Variants in EIF2AK3 observed in about 807,000 individuals in gnomAD.
EIF2AK3 encodes eukaryotic translation initiation factor 2 alpha kinase 3, also known as eukaryotic translation initiation factor 2-alpha kinase 3.
In EIF2AK3, 50 loss-of-function variants were observed where a neutral mutation model predicts 113.5. The ratio of observed to expected loss-of-function variants is 0.44; its 90% CI spans 0.35 to 0.56. The LOEUF (loss-of-function observed/expected upper bound fraction) is 0.56. Among genes scored for constraint, EIF2AK3 ranks in the 20% least tolerant of loss-of-function variants. The probability of loss-of-function intolerance (pLI) is 0.00; values close to 1 mark genes in which losing one functional copy is unlikely to be tolerated. For missense variants in EIF2AK3, 1,185 were observed against 1,378.0 expected, an observed-to-expected ratio of 0.86 and a Z score of 2.22; for synonymous variants, 448 against 495.4, an observed-to-expected ratio of 0.90 and a Z score of 1.27.
At chr2:88,594,287 G>C (rs756128459) in intron 3 of EIF2AK3, among the ~76,000 whole-genome samples, 22 of 152,346 alleles carry the variant, frequency 1.4e-4, no homozygotes, top group Admixed American at 2.6e-4. Context: ...CCACCTCCCA[G>C]GTTCAAGTGA....
At chr2:88,567,476 T>A (rs1443478913) in intron 14 of EIF2AK3, among the ~76,000 whole-genome samples, 1 of 152,232 alleles carries the variant, frequency 6.6e-6, no homozygotes, top group Non-Finnish European at 1.5e-5. Context: ...CTTACCATCG[T>A]CCATTTCCTA....
Position 88,575,379 on chromosome 2 carries a change from G to C in EIF2AK3, c.2104C>G (p.Pro702Ala), listed in dbSNP as rs781754103. 26 of 1,613,668 alleles carry C rather than the reference G, an allele frequency of 1.6e-5. No individual in the cohort carries two copies. The Admixed American group carries it at 4.3e-4, about 27-fold the overall frequency. Residue 702 changes from proline (P) to alanine (A), a missense_variant, in exon 13 of 17, where the codon CCT becomes GCT. This residue lies in a region of EIF2AK3 where 877 missense variants were observed against 1,024.2 expected (regional missense o/e 0.86). Coordinates refer to ENST00000303236, the MANE Select transcript of EIF2AK3 (RefSeq NM_004836.7). ...APSVKIRRMD[P>A]FATKEHIEII... is the part of the protein sequence containing the mutation. ...TCAATATGTTCTTTTGTAGCGAAAG[G>C]ATCCATTCTGCGTATTTTAACTGAT...
intron 6 of EIF2AK3, among the ~76,000 whole-genome samples, chr2:88,589,609 A>G (rs2104436171): frequency 6.6e-6 from 1 of 150,632 alleles, no homozygotes; most frequent in African/African-American, 2.4e-5. Flanking sequence ...GAGGATATAT[A>G]CCTAACTATA....
chr2:88,625,258 A>G (rs559867203), intron 1 of EIF2AK3, among the ~76,000 whole-genome samples: 1 of 150,890 alleles, frequency 6.6e-6, no homozygotes, highest in Non-Finnish European at 1.5e-5. Flanking sequence ...CCTAGCATAC[A>G]TATGTGCATG....
At chr2:88,589,997 G>GGAGGCC in intron 6 of EIF2AK3, among the ~76,000 whole-genome samples, 2 of 152,288 alleles carry the variant, frequency 1.3e-5, no homozygotes, top group South Asian at 2.1e-4. Flanking sequence ...CAGCACTTTG[G>GGAGGCC]GAGGCCGAGG....
rs1476909624 is a variant in EIF2AK3, at chr2:88,626,949, G to A, written c.308+18C>T. 1.2e-6 allele frequency: 2 copies of A among 1,605,996 alleles called. No homozygotes were observed. The highest frequency in any genetic ancestry group is 1.1e-5 in the South Asian group (1 of 90,544). ...CGCGCGTAAACAAGTTGCCTCCCCCGGGTCGGCAGCCCCTCACCTGCCGCG... is the reference window on the plus strand; with the variant it reads ...CGCGCGTAAACAAGTTGCCTCCCCCAGGTCGGCAGCCCCTCACCTGCCGCG... On this transcript the variant is annotated intron_variant, in intron 1 of 16. Coordinates refer to ENST00000303236, the MANE Select transcript of EIF2AK3 (RefSeq NM_004836.7).
rs758246673 is a variant in EIF2AK3, at chr2:88,574,794, T to C, written c.2689A>G (p.Lys897Glu). Residue 897 changes from lysine to glutamate, a missense_variant, in exon 13 of 17, where the codon AAA becomes GAA. By Grantham distance (56) the Lys-to-Glu change is moderately conservative. Transcript: ENST00000303236. Reference sequence around the variant, plus strand: ...GTACATCGTCCATTCATCCAGTCTTTGAGGTTTTCTTTTCTGCACAGCTGC... The same window carrying C: ...GTACATCGTCCATTCATCCAGTCTTCGAGGTTTTCTTTTCTGCACAGCTGC... ...QMQLCRKENL[K>E]DWMNGRCTIE... 6.2e-7 allele frequency: 1 copy of C among 1,614,208 alleles called. No homozygotes were observed. The highest frequency in any genetic ancestry group is 1.1e-5 in the South Asian group (1 of 91,090).
chr2:88,627,285 C>T lies in EIF2AK3; in HGVS notation c.-11G>A. The T allele has an allele frequency of 6.7e-6, 10 of 1,484,632 alleles. No homozygotes were observed. Among genetic ancestry groups the T allele is most frequent in the Non-Finnish European group, 8.0e-6 (9 of 1,122,894 alleles). 92.0% of individuals were successfully genotyped at this position (1,484,632 alleles called of 1,614,324 possible). On this transcript the variant is annotated 5_prime_UTR_variant, in exon 1 of 17. Coordinates refer to ENST00000303236, the MANE Select transcript of EIF2AK3 (RefSeq NM_004836.7). ...GATGGCGCGCTCCATCAGCGTCCCGCCCCGCGCGCAGGCATGGAGGCGCAG... is the reference window on the plus strand; with the variant it reads ...GATGGCGCGCTCCATCAGCGTCCCGTCCCGCGCGCAGGCATGGAGGCGCAG...
chr2:88,557,975 G>T, intron 16 of EIF2AK3, 39 bp from the exon 17 acceptor site: 2 of 1,588,992 alleles, frequency 1.3e-6, no homozygotes, highest in Non-Finnish European at 1.7e-6. Flanking sequence ...AAACGGCCAG[G>T]TTTGATCACT....
At chr2:88,560,991 A>G (rs1036682340) in intron 15 of EIF2AK3, among the ~76,000 whole-genome samples, 10 of 152,148 alleles carry the variant, frequency 6.6e-5, no homozygotes, top group Non-Finnish European at 1.3e-4. Flanking sequence ...GATAGGGAAG[A>G]ATGTGACAGA....
In EIF2AK3 at chr2:88,558,983, A is replaced by G. The variant is rs747716914; in HGVS notation, c.3088-4T>C. 1 of 1,555,260 alleles carries G rather than the reference A, an allele frequency of 6.4e-7. No homozygotes were observed. The highest frequency in any genetic ancestry group is 1.4e-5 in the African/African-American group (1 of 73,676). ...GATTTCTTACATCAGTTAAGGTCTA[A>G]AAAGAAAAAAAGTATCACTTATTAA... On this transcript the variant is annotated splice_region_variant and splice_polypyrimidine_tract_variant and intron_variant, in intron 15 of 16. Coordinates refer to ENST00000303236, the MANE Select transcript of EIF2AK3 (RefSeq NM_004836.7).
chr2:88,613,073 C>T (rs1675492867), intron 2 of EIF2AK3, among the ~76,000 whole-genome samples: 1 of 152,134 alleles, frequency 6.6e-6, no homozygotes, highest in African/African-American at 2.4e-5. Flanking sequence ...TTAATCTCCC[C>T]CATCTGTACC....
rs75168609 is a variant in EIF2AK3 at position 88,615,857 on chromosome 2, C to T, written c.309-2004G>A. The stretch of plus-strand genomic sequence containing the variant: ...GTTGAACTATTTCTAATCAAGTTCT[C>T]GCCCCTACCACCTCACTAAAATGGT... On this transcript the variant is annotated intron_variant, in intron 1 of 16. Coordinates refer to ENST00000303236, the MANE Select transcript of EIF2AK3 (RefSeq NM_004836.7). 3.3e-5 allele frequency among the ~76,000 whole-genome samples: 5 copies of T among 152,164 alleles called. No homozygotes were observed. In the East Asian group the frequency reaches 5.8e-4, roughly 18 times the overall value.
At chr2:88,607,748 C>T (rs1675326972) in intron 2 of EIF2AK3, among the ~76,000 whole-genome samples, 1 of 152,106 alleles carries the variant, frequency 6.6e-6, no homozygotes, top group Admixed American at 6.5e-5. Flanking sequence ...CAAGTATGTA[C>T]CTAATGGTAA....
chr2:88,582,979 G>T (rs117578594), intron 10 of EIF2AK3, among the ~76,000 whole-genome samples: 1 of 152,146 alleles, frequency 6.6e-6, no homozygotes, highest in East Asian at 1.9e-4. Flanking sequence ...CCTACTTTTA[G>T]CTAATCCATC....
At chr2:88,595,141 ATGGGGTGGGGGT>A (rs1327328826) in intron 3 of EIF2AK3, among the ~76,000 whole-genome samples, 1 of 72,302 alleles carries the variant, frequency 1.4e-5, no homozygotes, top group Non-Finnish European at 2.6e-5. Flanking sequence ...GGGGTGTGGA[ATGGGGTGGGGGT>A]GGGGATTGCC....
At position 88,623,497 on chromosome 2, in the gene EIF2AK3, TGAG is replaced by T. The variant is rs530888631; in HGVS notation, c.308+3467_308+3469del. ...AACTGGTGAATCTCGGATTGCTTCTTGAGTATCAAAAGACAACATGCAAAAATA... is the reference window on the plus strand; with the variant it reads ...AACTGGTGAATCTCGGATTGCTTCTTTATCAAAAGACAACATGCAAAAATA... On this transcript the variant is annotated intron_variant, in intron 1 of 16. Transcript: ENST00000303236. 8.3e-4 allele frequency among the ~76,000 whole-genome samples: 127 copies of T among 152,316 alleles called. 3 individuals carry two copies. In the Middle Eastern group the frequency reaches 0.014, roughly 16 times the overall value.
chr2:88,576,780 ACC>A, intron 11 of EIF2AK3, 77 bp from the exon 12 acceptor site: 1 of 1,499,028 alleles, frequency 6.7e-7, no homozygotes, highest in Non-Finnish European at 9.2e-7. Flanking sequence ...TATGACTTAT[ACC>A]CCTAAAATAT....
In EIF2AK3 at chr2:88,627,172, C is replaced by T. The variant is rs776456569; in HGVS notation, c.103G>A (p.Gly35Ser). The change falls in exon 1 of 17, where the codon GGC becomes AGC. Residue 35 changes from glycine (G) to serine (S), a missense_variant. Gly to Ser is a moderately conservative substitution (Grantham distance 56, BLOSUM62 0). Coordinates refer to ENST00000303236, the MANE Select transcript of EIF2AK3 (RefSeq NM_004836.7). ...ARTVAAGRAR[G>S]LPAPTAEAAF... ...GCCTCCGCCGTCGGCGCTGGGAGGC[C>T]ACGGGCGCGCCCCGCGGCCACCGTC... 5.5e-6 allele frequency: 8 copies of T among 1,441,956 alleles called. No homozygotes were observed. The highest frequency in any genetic ancestry group is 2.7e-5 in the South Asian group (2 of 72,972). The allele number at this position is 1,441,956 out of a possible 1,614,324, so 89.3% of individuals were successfully genotyped here. A position where few individuals can be genotyped will look rare whatever the true frequency, so the allele number is the denominator to read the frequency against.
Sources: allele counts gnomAD v4.1 joint callset (sites outside exome capture counted in the v4.1 genomes callset), GRCh38; gene constraint gnomAD v4.1.1; regional missense constraint gnomAD v4.1.1; transcripts MANE v1.5; gene names NCBI Gene and HGNC (gene_info 2026-07-23, HGNC 2026-07-21).